The following DHRS12 variants were observed in gnomAD, a reference collection of about 807,000 sequenced individuals.
DHRS12 encodes the protein dehydrogenase/reductase SDR family member 12.
In DHRS12, 29 loss-of-function variants were observed where a neutral mutation model predicts 32.1. The ratio of observed to expected loss-of-function variants is 0.90; its 90% CI spans 0.67 to 1.23. The LOEUF (loss-of-function observed/expected upper bound fraction) is 1.23, where lower values mean the gene tolerates loss of function less well. DHRS12 is among the 50% of genes most tolerant of loss of function. The probability of loss-of-function intolerance (pLI) is 0.00; values close to 1 mark genes in which losing one functional copy is unlikely to be tolerated. For synonymous variants in DHRS12, 150 were observed against 135.9 expected (o/e 1.10, Z -0.72); for missense variants, 330 against 337.2 (o/e 0.98, Z 0.17).
intron 6 of DHRS12, 89 bp from the exon 7 acceptor site, chr13:51,772,000 A>G (rs1179452016): frequency 2.4e-5 from 31 of 1,274,062 alleles, no homozygotes; most frequent in Non-Finnish European, 3.5e-5. Flanking sequence ...AGCCTGGCTT[A>G]TCTTACACTG....
At chr13:51,759,003 G>A in the DHRS12 span, among the ~76,000 whole-genome samples, 3 of 152,122 alleles carry the variant, frequency 2.0e-5, no homozygotes, top group East Asian at 3.9e-4. Flanking sequence ...CCACCATAGT[G>A]TGACCCTGTC....
intron 7 of DHRS12, chr13:51,771,057 G>C (rs1293410452): frequency 7.0e-7 from 1 of 1,434,916 alleles, no homozygotes; most frequent in African/African-American, 1.4e-5. Context: ...GGCCAGGCCC[G>C]GCTGGGAGGT....
intron 7 of DHRS12, among the ~76,000 whole-genome samples, chr13:51,769,945 G>A (rs1296559222): frequency 6.6e-6 from 1 of 152,160 alleles, no homozygotes; most frequent in East Asian, 1.9e-4. Flanking sequence ...TCTGGCTCCA[G>A]TCCACACCCC....
the DHRS12 span, chr13:51,756,533 C>A: frequency 6.6e-7 from 1 of 1,524,168 alleles, no homozygotes; most frequent in Non-Finnish European, 8.8e-7. Flanking sequence ...CACTCAGCGC[C>A]GCAACCATCA....
Position 51,791,183 on chromosome 13 carries a change from T to C in DHRS12, c.201A>G (p.Glu67=), listed in dbSNP as rs1020400053. The part of the protein sequence containing the change: ...IWKFVENFKQ[E]HKLHVLINNA... ...AGCTCACCAGAACATGGAGTTTATG[T>C]TCCTGCTTGAAATTTTCAACAAATT... The change falls in exon 3 of 9, where the codon GAA becomes GAG. Residue 67 remains glutamate (E), a synonymous_variant. Transcript: ENST00000444610. The C allele has an allele frequency of 4.6e-5, 73 of 1,584,660 alleles. No individual in the cohort carries two copies. Among genetic ancestry groups the C allele is most frequent in the Non-Finnish European group, 6.2e-5 (72 of 1,164,092 alleles).
Position 51,782,480 on chromosome 13 carries a change from G to A in DHRS12, c.302-5359C>T, listed in dbSNP as rs1954760380. 6.6e-6 allele frequency among the ~76,000 whole-genome samples: 1 copy of A among 152,192 alleles called. No homozygotes were observed. The highest frequency in any genetic ancestry group is 2.1e-4 in the South Asian group (1 of 4,832). On this transcript the variant is annotated intron_variant, in intron 4 of 8. Transcript: ENST00000444610. This position sits in a 1 kb window ranked among gnomAD's most constrained non-coding sequence, Gnocchi z 4.2. Reference sequence around the variant, plus strand: ...GTGCCCAGTGCTGCCCATGGATGTGGTAGAGGTGCGCTCTCCAGAACCAGG... The same window carrying A: ...GTGCCCAGTGCTGCCCATGGATGTGATAGAGGTGCGCTCTCCAGAACCAGG...
At chr13:51,771,719 T>G (rs764641041) in intron 7 of DHRS12, 102 bp downstream of exon 7, 8 of 1,449,092 alleles carry the variant, frequency 5.5e-6, no homozygotes, top group Non-Finnish European at 7.7e-6. Flanking sequence ...CAGTCCTCAT[T>G]ACGCTGGTTT....
chr13:51,769,224 G>T lies in DHRS12; in HGVS notation c.629C>A (p.Ala210Glu), dbSNP rs1369517751. ...GAGGGCCAGCCACAGCATGGTGTCC[G>T]CGCCCTGGGCCTCGGAGCGCAGGCG... ...GDRLRSEAQG[A>E]DTMLWLALSS... Residue 210 changes from alanine to glutamate, a missense_variant, in exon 8 of 9, where the codon GCG becomes GAG. Coordinates refer to ENST00000444610, the MANE Select transcript of DHRS12 (RefSeq NM_001377533.1). 6.3e-7 allele frequency: 1 copy of T among 1,582,662 alleles called. No homozygotes were observed. Among genetic ancestry groups the T allele is most frequent in the African/African-American group, 1.3e-5 (1 of 74,390 alleles).
the DHRS12 span, chr13:51,759,921 G>A: frequency 6.8e-6 from 5 of 740,118 alleles, no homozygotes; most frequent in Non-Finnish European, 8.8e-6. Flanking sequence ...TGCACAGTGG[G>A]GACCTGGCCA....
At chr13:51,798,008 C>T (rs1955586124) in intron 2 of DHRS12, 4 of 1,215,884 alleles carry the variant, frequency 3.3e-6, no homozygotes, top group Admixed American at 2.0e-5. Context: ...ACAGTTGACA[C>T]TCTTCTGTTA....
intron 4 of DHRS12, 104 bp from the exon 5 acceptor site, chr13:51,777,225 A>G (rs1954475236): frequency 7.5e-7 from 1 of 1,328,188 alleles, no homozygotes; most frequent in Non-Finnish European, 1.1e-6. Flanking sequence ...CGCCCCCCAC[A>G]AGAGGGCAAG....
intron 2 of DHRS12, among the ~76,000 whole-genome samples, chr13:51,793,691 T>C (rs1955383850): frequency 6.6e-6 from 1 of 152,112 alleles, no homozygotes; most frequent in Non-Finnish European, 1.5e-5. Flanking sequence ...GGCTGCTGAG[T>C]CATATCTGAG....
chr13:51,787,754 T>A (rs1955028116), intron 4 of DHRS12, among the ~76,000 whole-genome samples: 1 of 64,514 alleles, frequency 1.6e-5, no homozygotes, highest in Non-Finnish European at 3.1e-5. Context: ...TATATATTTT[T>A]ATATATAATT....
chr13:51,761,189 G>A, the DHRS12 span: 1 of 152,162 alleles, frequency 6.6e-6, no homozygotes, highest in Admixed American at 6.5e-5. Flanking sequence ...GGTACCTACA[G>A]TGCAGGCTAT....
At chr13:51,776,841 T>C (rs1954440297) in intron 5 of DHRS12, among the ~76,000 whole-genome samples, 1 of 151,314 alleles carries the variant, frequency 6.6e-6, no homozygotes, top group South Asian at 2.1e-4. Flanking sequence ...ACAGCCGGAG[T>C]GGGGGTCGGG....
chr13:51,792,731 A>G (rs1270024373), intron 2 of DHRS12, among the ~76,000 whole-genome samples: 2 of 152,106 alleles, frequency 1.3e-5, no homozygotes, highest in Non-Finnish European at 2.9e-5. Flanking sequence ...TTCTTTGGAG[A>G]AATGTCTATT....
chr13:51,758,670 G>A, the DHRS12 span, among the ~76,000 whole-genome samples: 2 of 151,960 alleles, frequency 1.3e-5, no homozygotes, highest in African/African-American at 4.8e-5. Context: ...AAATAAGACA[G>A]AGCTCCAGCC....
intron 4 of DHRS12, among the ~76,000 whole-genome samples, chr13:51,786,251 G>C (rs1019375965): frequency 6.6e-6 from 1 of 152,210 alleles, no homozygotes; most frequent in Non-Finnish European, 1.5e-5. Context: ...GGTGGAGATA[G>C]AATCAGTGTC....
downstream of DHRS12, chr13:51,763,493 T>TGAGA (rs1193873250): frequency 6.6e-6 from 1 of 152,246 alleles, no homozygotes; most frequent in Non-Finnish European, 1.5e-5. Context: ...TTTCATTTTC[T>TGAGA]GAGATTCATT....
Sources: gnomAD v4.1 joint callset for allele counts (sites outside exome capture counted in the v4.1 genomes callset) on GRCh38, gnomAD v4.1.1 for gene constraint, Gnocchi (gnomAD v3.1) non-coding constraint, MANE v1.5 for transcripts, NCBI Gene and HGNC (gene_info 2026-07-23, HGNC 2026-07-21) for gene names.